The following NPAS2 variants were observed in gnomAD, a reference collection of about 807,000 sequenced individuals.
NPAS2 encodes the protein neuronal PAS domain-containing protein 2.
Under a neutral mutation model 107.5 loss-of-function variants are expected in NPAS2, and 23 were observed. The observed-to-expected ratio is 0.21, with a 90% confidence interval of 0.15 to 0.30. The LOEUF (loss-of-function observed/expected upper bound fraction) is 0.30. Among genes scored for constraint, NPAS2 ranks in the 10% least tolerant of loss-of-function variants. The pLI is 1.00. For synonymous variants in NPAS2, 403 were observed against 417.5 expected (o/e 0.97, Z 0.42); for missense variants, 756 against 1,043.3 (o/e 0.72, Z 3.79).
intron 1 of NPAS2, among the ~76,000 whole-genome samples, chr2:100,896,602 G>A (rs1180833801): frequency 1.3e-5 from 2 of 152,256 alleles, no homozygotes; most frequent in African/African-American, 2.4e-5. Flanking sequence ...TGCCAGTGCT[G>A]TCTGAGTGGA....
At chr2:100,988,575 G>A (rs183174504) in intron 17 of NPAS2, 1 of 402,302 alleles carries the variant, frequency 2.5e-6, no homozygotes, top group Non-Finnish European at 4.6e-6. Flanking sequence ...ACTTAGGGTT[G>A]GAGGCAGATA....
intron 1 of NPAS2, among the ~76,000 whole-genome samples, chr2:100,895,465 G>A (rs771807567): frequency 2.6e-5 from 4 of 152,164 alleles, no homozygotes; most frequent in South Asian, 2.1e-4. Flanking sequence ...AGTTTGGGTC[G>A]CCTGACCCCA....
chr2:100,877,463 A>G (rs574939529), intron 1 of NPAS2, among the ~76,000 whole-genome samples: 6,753 of 149,498 alleles, frequency 0.045, 576 homozygotes, highest in African/African-American at 0.16. Context: ...AAAAAAAAAA[A>G]AAAAGAAATG....
chr2:100,968,334 C>T lies in NPAS2; in HGVS notation c.961C>T (p.Gln321Ter). 1 of 1,614,054 alleles carries T rather than the reference C, an allele frequency of 6.2e-7. No homozygotes were observed. The highest frequency in any genetic ancestry group is 8.5e-7 in the Non-Finnish European group (1 of 1,179,954). Residue 321 changes from glutamine to a stop codon, truncating the protein, a stop_gained, in exon 11 of 21, where the codon CAG (glutamine) becomes TAG (stop). Transcript: ENST00000335681. LOFTEE classifies it high-confidence loss of function. The surrounding 1 kb of genome is among the most constrained non-coding windows in gnomAD (Gnocchi z 5.3). ...TTGCTACCGGTTTCTGACCAAAGGT[C>T]AGCAGTGGATCTGGCTGCAGACTCA... is the stretch of plus-strand genomic sequence containing the variant. Reference protein sequence around the residue: ...SCCYRFLTKGQQWIWLQTHYY... With the variant: ...SCCYRFLTKG
At chr2:100,936,919 T>C (rs1684338908) in intron 4 of NPAS2, among the ~76,000 whole-genome samples, 1 of 132,780 alleles carries the variant, frequency 7.5e-6, no homozygotes, top group African/African-American at 2.9e-5. Context: ...GAAGCAGAGG[T>C]GGCAGTGAGC....
At chr2:100,977,628 G>C (rs984089102) in intron 14 of NPAS2, 82 bp from the exon 15 acceptor site, 7 of 1,227,212 alleles carry the variant, frequency 5.7e-6, no homozygotes, top group Admixed American at 1.7e-5. Flanking sequence ...GGAACGCAGA[G>C]AACCCACCGG....
chr2:100,974,924 C>T lies in NPAS2; in HGVS notation c.1262C>T (p.Thr421Ile), dbSNP rs773235867. ...AGAAGTTCCCACAAATCCTCGCACACAGCCATGTCAGAACCCACCTGTGAG... is the reference window on the plus strand; with the variant it reads ...AGAAGTTCCCACAAATCCTCGCACATAGCCATGTCAGAACCCACCTGTGAG... ...SSRSSHKSSH[T>I]AMSEPTSTPT... is the part of the protein sequence containing the mutation. Residue 421 changes from threonine to isoleucine, a missense_variant, in exon 13 of 21, where the codon ACA becomes ATA. Transcript: ENST00000335681. 22 of 1,614,006 alleles carry T rather than the reference C, an allele frequency of 1.4e-5. No homozygotes were observed. The highest frequency in any genetic ancestry group is 1.7e-4 in the Middle Eastern group (1 of 6,056).
At chr2:100,859,796 G>C (rs889586265) in intron 1 of NPAS2, among the ~76,000 whole-genome samples, 1 of 152,174 alleles carries the variant, frequency 6.6e-6, no homozygotes, top group Non-Finnish European at 1.5e-5. Flanking sequence ...TTTTTATTTA[G>C]AATCATTTCA....
In NPAS2 at chr2:100,968,557, CCCA is replaced by C; in HGVS notation, c.1055+130_1055+132del. On this transcript the variant is annotated intron_variant, in intron 11 of 20. Coordinates refer to ENST00000335681, the MANE Select transcript of NPAS2 (RefSeq NM_002518.4). The surrounding 1 kb of genome is among the most constrained non-coding windows in gnomAD (Gnocchi z 5.3). ...GGTGTTCCCCATTTCGAAGATGAAG[CCCA>C]GGCCATCCCCTGCCGTTAACAGCAC... 3.6e-6 allele frequency: 3 copies of C among 830,326 alleles called. No individual in the cohort carries two copies. The highest frequency in any genetic ancestry group is 5.6e-6 in the Non-Finnish European group (3 of 539,436). 51.4% of individuals were successfully genotyped at this position (830,326 alleles called of 1,614,324 possible).
intron 14 of NPAS2, chr2:100,977,038 TAA>T (rs10588886): frequency 0.044 from 6,229 of 142,538 alleles, 338 homozygotes; most frequent in South Asian, 0.16. Context: ...CACTGTTCTT[TAA>T]AAAAAAAAAA....
chr2:100,852,001 G>A (rs898368402), intron 1 of NPAS2, among the ~76,000 whole-genome samples: 5 of 152,178 alleles, frequency 3.3e-5, no homozygotes, highest in Non-Finnish European at 1.5e-5. Flanking sequence ...TAGCTACATG[G>A]TTCTTGCAAT....
intron 20 of NPAS2, 89 bp from the exon 21 acceptor site, chr2:100,995,311 A>G (rs542848343): frequency 2.0e-4 from 243 of 1,228,672 alleles, no homozygotes; most frequent in Non-Finnish European, 2.6e-4. Context: ...GTCTAACTCA[A>G]CCTGCAGCAT....
At chr2:100,925,337 G>T (rs780500182) in intron 3 of NPAS2, 43 bp downstream of exon 3, 1 of 1,594,628 alleles carries the variant, frequency 6.3e-7, no homozygotes, top group South Asian at 1.1e-5. Flanking sequence ...ACCCTGCCCC[G>T]TCCATGTGGT....
Position 100,922,879 on chromosome 2 carries a change from C to T in NPAS2, c.33-2267C>T, listed in dbSNP as rs764920889. 5.3e-5 allele frequency among the ~76,000 whole-genome samples: 8 copies of T among 152,034 alleles called. 1 individual carries two copies. The highest frequency in any genetic ancestry group is 4.2e-4 in the South Asian group (2 of 4,796). On this transcript the variant is annotated intron_variant, in intron 2 of 20. Transcript: ENST00000335681. ...GGAGTTGCTACCAGGCCATGTTGGTCGTCATTACACCCATTGAAGACGAGA... is the reference window on the plus strand; with the variant it reads ...GGAGTTGCTACCAGGCCATGTTGGTTGTCATTACACCCATTGAAGACGAGA...
At chr2:100,819,338 G>C (rs1362296115), upstream of NPAS2, among the ~76,000 whole-genome samples, 6 of 152,092 alleles carry the variant, frequency 3.9e-5, no homozygotes, top group Admixed American at 3.9e-4. The surrounding 1 kb of genome is among the most constrained non-coding windows in gnomAD (Gnocchi z 5.8). Flanking sequence ...GCAATTAGCC[G>C]GTTCCTTTCC....
chr2:100,957,250 CTG>C (rs1438092899), intron 7 of NPAS2, among the ~76,000 whole-genome samples: 1 of 152,206 alleles, frequency 6.6e-6, no homozygotes, highest in Non-Finnish European at 1.5e-5. Context: ...CTAACCCAGT[CTG>C]TGCAAAGCCT....
At chr2:100,893,780 A>T (rs968762238) in intron 1 of NPAS2, among the ~76,000 whole-genome samples, 1 of 152,176 alleles carries the variant, frequency 6.6e-6, no homozygotes, top group African/African-American at 2.4e-5. Context: ...AGCCATGCCC[A>T]CTCATTTACA....
chr2:100,917,315 T>C (rs143146591), intron 2 of NPAS2, among the ~76,000 whole-genome samples: 11 of 152,164 alleles, frequency 7.2e-5, no homozygotes, highest in Non-Finnish European at 1.5e-4. Context: ...TCATTTGAGG[T>C]CAGGAGTTCA....
intron 2 of NPAS2, among the ~76,000 whole-genome samples, chr2:100,914,821 T>C (rs1363930424): frequency 6.6e-6 from 1 of 152,190 alleles, no homozygotes; most frequent in Non-Finnish European, 1.5e-5. Context: ...AATGCAGCTG[T>C]AAAGCGTGAG....
Sources: gnomAD v4.1 joint callset for allele counts (sites outside exome capture counted in the v4.1 genomes callset) on GRCh38, gnomAD v4.1.1 for gene constraint, Gnocchi (gnomAD v3.1) non-coding constraint, MANE v1.5 for transcripts, NCBI Gene and HGNC (gene_info 2026-07-23, HGNC 2026-07-21) for gene names.